The following PRKAG1 variants were observed in gnomAD, a reference collection of about 807,000 sequenced individuals.
PRKAG1 encodes 5'-AMP-activated protein kinase subunit gamma-1.
Under a neutral mutation model 48.2 loss-of-function variants are expected in PRKAG1, and 27 were observed. The observed-to-expected ratio is 0.56, with a 90% CI of 0.41 to 0.77. The LOEUF (loss-of-function observed/expected upper bound fraction) is 0.77. Among genes scored for constraint, PRKAG1 ranks in the 30% least tolerant of loss-of-function variants. The pLI is 0.00. For missense variants in PRKAG1, 287 were observed against 398.3 expected (o/e 0.72, Z 2.38); for synonymous variants, 130 against 147.7 (o/e 0.88, Z 0.87).
chr12:49,006,085 A>G (rs1416792155), intron 2 of PRKAG1, among the ~76,000 whole-genome samples: 1 of 152,166 alleles, frequency 6.6e-6, no homozygotes. Flanking sequence ...ATTGGTCCCT[A>G]TAGGTAAAAG....
chr12:49,017,131 A>C (rs1942009157), intron 1 of PRKAG1: 1 of 456,038 alleles, frequency 2.2e-6, no homozygotes, highest in Non-Finnish European at 4.4e-6. Flanking sequence ...ACCTTTAAAT[A>C]ACAGCTGTTG....
chr12:49,003,106 G>C, intron 11 of PRKAG1, 38 bp downstream of exon 11: 1 of 1,613,726 alleles, frequency 6.2e-7, no homozygotes, highest in Non-Finnish European at 8.5e-7. Flanking sequence ...TCTCAAGGCT[G>C]CTCCCCTCAG....
In PRKAG1 at chr12:49,003,863, G is replaced by A; in HGVS notation, c.597C>T (p.Gly199=). ...GAACCATAGCAATATTGGCATAGGT[G>A]CCAATCTGTAGCTCTTCCAGAGACT... ...MSKSLEELQI[G]TYANIAMVRT... Residue 199 remains glycine (G), a synonymous_variant, in exon 9 of 12, where the codon GGC becomes GGT. Transcript: ENST00000548065. The A allele has an allele frequency of 5.6e-6, 9 of 1,613,968 alleles. No homozygotes were observed. The South Asian group carries it at 6.6e-5, about 12-fold the overall frequency.
chr12:49,018,516 C>T (rs1404336347), intron 1 of PRKAG1: 27 of 1,425,162 alleles, frequency 1.9e-5, no homozygotes, highest in Non-Finnish European at 2.4e-5. Context: ...GCTAAGGGTA[C>T]CGCGTACGGA....
chr12:49,018,703 G>GC (rs1942117913), intron 1 of PRKAG1, 29 bp downstream of exon 1: 11 of 1,613,372 alleles, frequency 6.8e-6, no homozygotes, highest in Non-Finnish European at 9.3e-6. Context: ...GCTCCACAGC[G>GC]CCCCCGACCG....
chr12:49,005,753 G>GT lies in PRKAG1; in HGVS notation c.157dup (p.Thr53AsnfsTer15). On this transcript the variant is annotated frameshift_variant, in exon 3 of 12. Coordinates refer to ENST00000548065, the MANE Select transcript of PRKAG1 (RefSeq NM_002733.5). LOFTEE classifies it high-confidence loss of function. The surrounding 1 kb of genome is among the most constrained non-coding windows in gnomAD (Gnocchi z 4.1). ...GAGGATTTCACCCACCTGCAGGGAC[G>GT]TATCAAATACAACCAATTTGGAGCT... 1 of 1,613,510 alleles carries GT rather than the reference G, an allele frequency of 6.2e-7. No homozygotes were observed. The highest frequency in any genetic ancestry group is 8.5e-7 in the Non-Finnish European group (1 of 1,179,448).
chr12:49,003,822 A>G lies in PRKAG1; in HGVS notation c.638T>C (p.Val213Ala), dbSNP rs778744868. 1 of 1,614,016 alleles carries G rather than the reference A, an allele frequency of 6.2e-7. No individual in the cohort carries two copies. The highest frequency in any genetic ancestry group is 2.2e-5 in the East Asian group (1 of 44,880). The change falls in exon 9 of 12, where the codon GTC becomes GCC. Residue 213 changes from valine to alanine, a missense_variant. This residue lies in a region of PRKAG1 where 224 missense variants were observed against 344.3 expected (regional missense o/e 0.65). Transcript: ENST00000548065. ...TACAAAAATCCCCAGAGCCACATAG[A>G]CGGGGGTGGTAGTGCGAACCATAGC... ...NIAMVRTTTP[V>A]YVALGIFVQH... is the part of the protein sequence containing the mutation.
chr12:49,009,817 T>C (rs918657536), intron 2 of PRKAG1, among the ~76,000 whole-genome samples: 1 of 152,076 alleles, frequency 6.6e-6, no homozygotes, highest in African/African-American at 2.4e-5. Context: ...TTCATCATAT[T>C]GGGCAGGCTG....
rs1266190587 is a variant in PRKAG1 at position 49,005,903 on chromosome 12, T to G, written c.59-51A>C. 2 of 1,362,464 alleles carry G rather than the reference T, an allele frequency of 1.5e-6. No individual in the cohort carries two copies. The highest frequency in any genetic ancestry group is 2.7e-5 in the South Asian group (2 of 72,768). The allele number at this position is 1,362,464 out of a possible 1,614,324, so 84.4% of individuals were successfully genotyped here. ...CTTCCTTCCACATAAAAACTCCCAATCAAAAGAGACAGAAAACAAAATAGT... is the reference window on the plus strand; with the variant it reads ...CTTCCTTCCACATAAAAACTCCCAAGCAAAAGAGACAGAAAACAAAATAGT... On this transcript the variant is annotated intron_variant, in intron 2 of 11. Coordinates refer to ENST00000548065, the MANE Select transcript of PRKAG1 (RefSeq NM_002733.5). The surrounding 1 kb of genome is among the most constrained non-coding windows in gnomAD (Gnocchi z 4.1).
At position 49,004,554 on chromosome 12, in the gene PRKAG1, A is replaced by T; in HGVS notation, c.490T>A (p.Leu164Met). The change falls in exon 8 of 12, where the codon TTG becomes ATG. Residue 164 changes from leucine to methionine, a missense_variant. Physicochemically the swap from Leu to Met is conservative, Grantham distance 15. Transcript: ENST00000548065. ...PVIDPESGNT[L>M]YILTHKRILK... ...ATGCGCTTGTGGGTGAGGATGTACA[A>T]AGTATTGCCTGATTCTGGGTCAATA... is the stretch of plus-strand genomic sequence containing the variant. The T allele has an allele frequency of 6.2e-7, 1 of 1,614,174 alleles. No individual in the cohort carries two copies. Among genetic ancestry groups the T allele is most frequent in the Non-Finnish European group, 8.5e-7 (1 of 1,180,028 alleles).
chr12:49,004,826 T>G (rs865887386), intron 7 of PRKAG1, 138 bp downstream of exon 7: 28 of 874,510 alleles, frequency 3.2e-5, no homozygotes, highest in Middle Eastern at 3.5e-4. Flanking sequence ...TGTGTGTGTG[T>G]GTGTGTGTGT....
At chr12:49,014,322 G>C (rs1480921862) in intron 1 of PRKAG1, among the ~76,000 whole-genome samples, 1 of 152,194 alleles carries the variant, frequency 6.6e-6, no homozygotes, top group Admixed American at 6.5e-5. Context: ...AGCTGAACGA[G>C]CATTATCTGC....
At chr12:49,018,526 A>G (rs1301281120) in intron 1 of PRKAG1, 12 of 1,432,952 alleles carry the variant, frequency 8.4e-6, no homozygotes, top group Non-Finnish European at 1.1e-5. Flanking sequence ...CCGCGTACGG[A>G]AAGGCGGCGG....
Position 49,003,826 on chromosome 12 carries a change from G to A in PRKAG1, c.634C>T (p.Pro212Ser). 6.2e-7 allele frequency: 1 copy of A among 1,614,114 alleles called. No homozygotes were observed. Among genetic ancestry groups the A allele is most frequent in the Non-Finnish European group, 8.5e-7 (1 of 1,180,000 alleles). ...ANIAMVRTTT[P>S]VYVALGIFVQ... Reference sequence around the variant, plus strand: ...AAAATCCCCAGAGCCACATAGACGGGGGTGGTAGTGCGAACCATAGCAATA... The same window carrying A: ...AAAATCCCCAGAGCCACATAGACGGAGGTGGTAGTGCGAACCATAGCAATA... The change falls in exon 9 of 12, where the codon CCC becomes TCC. Residue 212 changes from proline (P) to serine (S), a missense_variant. Transcript: ENST00000548065.
chr12:49,006,245 CT>C (rs1941530524), intron 2 of PRKAG1, among the ~76,000 whole-genome samples: 1 of 152,156 alleles, frequency 6.6e-6, no homozygotes, highest in South Asian at 2.1e-4. Flanking sequence ...TCTTAAAATT[CT>C]TCCAAGACTG....
At chr12:49,016,241 C>T (rs140344065) in intron 1 of PRKAG1, among the ~76,000 whole-genome samples, 196 of 152,274 alleles carry the variant, frequency 1.3e-3, no homozygotes, top group African/African-American at 4.5e-3. Flanking sequence ...TCCTGGCCTC[C>T]TTTCTACTTT....
In PRKAG1 at chr12:49,004,661, CCACAG is replaced by C. The variant is rs780453537; in HGVS notation, c.411-33_411-29del. 1.2e-5 allele frequency: 20 copies of C among 1,613,642 alleles called. No individual in the cohort carries two copies. In the African/African-American group the frequency reaches 2.4e-4, roughly 19 times the overall value. ...GTGAGAGGGTGGGAGATAATAAGTT[CCACAG>C]TGCTGGGGCTGGGGGTGATTAAACA... On this transcript the variant is annotated intron_variant, in intron 7 of 11. Transcript: ENST00000548065.
At chr12:49,003,506 G>A (rs1941380255) in intron 10 of PRKAG1, 52 bp downstream of exon 10, 1 of 1,576,946 alleles carries the variant, frequency 6.3e-7, no homozygotes, top group Admixed American at 1.7e-5. Flanking sequence ...ATATTTAACA[G>A]TGCCCCCCCC....
rs1592274135 is a variant in PRKAG1, at chr12:49,006,051, T to C, written c.59-199A>G. On this transcript the variant is annotated intron_variant, in intron 2 of 11. Coordinates refer to ENST00000548065, the MANE Select transcript of PRKAG1 (RefSeq NM_002733.5). The stretch of plus-strand genomic sequence containing the variant: ...CTTAGAAACCATTTCATCCAACCCC[T>C]GTCTCCAGGTTAAGACTTTATCTAT... Among the ~76,000 whole-genome samples, 5 of 152,314 alleles carry C rather than the reference T, an allele frequency of 3.3e-5. No individual in the cohort carries two copies. The South Asian group carries it at 1.0e-3, about 32-fold the overall frequency.
Sources: gnomAD v4.1 joint callset for allele counts (sites outside exome capture counted in the v4.1 genomes callset) on GRCh38, gnomAD v4.1.1 for gene constraint, gnomAD v4.1.1 regional missense constraint, Gnocchi (gnomAD v3.1) non-coding constraint, MANE v1.5 for transcripts, NCBI Gene and HGNC (gene_info 2026-07-23, HGNC 2026-07-21) for gene names.